OR9Q1: variants seen among roughly 807,000 people sequenced by gnomAD.
OR9Q1 encodes olfactory receptor 9Q1.
For synonymous variants in OR9Q1, 153 were observed against 148.6 expected (o/e 1.03, Z -0.22); for missense variants, 374 against 378.8 (o/e 0.99, Z 0.11).
chr11:58,146,581 GTTAA>G (rs994859788), intron 2 of OR9Q1, among the ~76,000 whole-genome samples: 18 of 152,248 alleles, frequency 1.2e-4, no homozygotes, highest in African/African-American at 2.9e-4. Flanking sequence ...CCATTGCACA[GTTAA>G]TTAATTAATT....
intron 2 of OR9Q1, among the ~76,000 whole-genome samples, chr11:58,168,757 G>T (rs991369450): frequency 1.3e-5 from 2 of 151,852 alleles, no homozygotes; most frequent in Non-Finnish European, 2.9e-5. Flanking sequence ...AGCTTCTTGT[G>T]GTTGTGTGTA....
At chr11:58,050,575 A>G (rs1853264569) in intron 1 of OR9Q1, among the ~76,000 whole-genome samples, 1 of 116,328 alleles carries the variant, frequency 8.6e-6, no homozygotes, top group Admixed American at 9.4e-5. Flanking sequence ...AAGCAATGGC[A>G]ACAAAAGCCA....
intron 2 of OR9Q1, among the ~76,000 whole-genome samples, chr11:58,141,761 T>C (rs893766157): frequency 7.2e-5 from 11 of 152,168 alleles, no homozygotes; most frequent in Non-Finnish European, 1.3e-4. Flanking sequence ...GAGTGTGAGT[T>C]TGGAACAAAC....
At chr11:58,078,840 A>T (rs1055525042) in intron 2 of OR9Q1, among the ~76,000 whole-genome samples, 3 of 152,162 alleles carry the variant, frequency 2.0e-5, no homozygotes, top group Non-Finnish European at 4.4e-5. Context: ...GTTAAAATCC[A>T]CCTGTTGGCT....
At chr11:58,054,074 C>T (rs573450792) in intron 1 of OR9Q1, among the ~76,000 whole-genome samples, 35 of 152,202 alleles carry the variant, frequency 2.3e-4, no homozygotes, top group Admixed American at 2.0e-3. Flanking sequence ...AATGTATATG[C>T]CTATCAAATC....
At chr11:58,025,130 G>C (rs1347679280) in intron 1 of OR9Q1, among the ~76,000 whole-genome samples, 1 of 152,184 alleles carries the variant, frequency 6.6e-6, no homozygotes, top group Non-Finnish European at 1.5e-5. Flanking sequence ...GATTAAGCCA[G>C]ATGGTATCAG....
At chr11:58,166,355 C>T (rs865997425) in intron 2 of OR9Q1, among the ~76,000 whole-genome samples, 6 of 152,214 alleles carry the variant, frequency 3.9e-5, no homozygotes, top group Admixed American at 2.0e-4. Context: ...CTATTAGTTT[C>T]GTATGAAACT....
intron 2 of OR9Q1, among the ~76,000 whole-genome samples, chr11:58,108,368 C>G (rs1197538482): frequency 1.3e-5 from 2 of 152,098 alleles, no homozygotes; most frequent in African/African-American, 4.8e-5. Flanking sequence ...AACTAAGAAA[C>G]CCAAGCATGG....
chr11:58,029,302 C>T (rs1197748226), intron 1 of OR9Q1, among the ~76,000 whole-genome samples: 2 of 152,154 alleles, frequency 1.3e-5, no homozygotes, highest in Non-Finnish European at 2.9e-5. Flanking sequence ...AGTTCCTCTC[C>T]ACCTAGGCCT....
At chr11:58,080,952 T>C (rs1286829919) in intron 2 of OR9Q1, among the ~76,000 whole-genome samples, 1 of 152,170 alleles carries the variant, frequency 6.6e-6, no homozygotes, top group Non-Finnish European at 1.5e-5. Context: ...TTTCTCCTAA[T>C]GCTATCCCTC....
intron 1 of OR9Q1, among the ~76,000 whole-genome samples, chr11:58,054,977 G>A (rs913756864): frequency 4.6e-5 from 7 of 152,194 alleles, no homozygotes; most frequent in African/African-American, 1.7e-4. Flanking sequence ...TCAAATATAT[G>A]TGTGTGTGTT....
intron 2 of OR9Q1, among the ~76,000 whole-genome samples, chr11:58,061,539 C>T (rs1189084239): frequency 2.0e-5 from 3 of 152,164 alleles, no homozygotes; most frequent in Admixed American, 6.6e-5. Flanking sequence ...CAGTAACTAG[C>T]GTTTGTAAGA....
At chr11:58,034,356 G>A (rs1853075122) in intron 1 of OR9Q1, among the ~76,000 whole-genome samples, 1 of 151,730 alleles carries the variant, frequency 6.6e-6, no homozygotes, top group African/African-American at 2.4e-5. Flanking sequence ...CAAAGTGCTG[G>A]GATTACAGGC....
chr11:58,042,754 G>T (rs1327060644), intron 1 of OR9Q1, among the ~76,000 whole-genome samples: 1 of 152,132 alleles, frequency 6.6e-6, no homozygotes. Flanking sequence ...CCATTTTCAC[G>T]ATATTGATTC....
intron 2 of OR9Q1, among the ~76,000 whole-genome samples, chr11:58,143,110 C>T (rs938395049): frequency 6.6e-6 from 1 of 152,162 alleles, no homozygotes; most frequent in Non-Finnish European, 1.5e-5. Flanking sequence ...CTCCAGGTGG[C>T]TGTGGACTTA....
At chr11:58,163,420 G>GTT (rs1247010210) in intron 2 of OR9Q1, among the ~76,000 whole-genome samples, 6 of 152,228 alleles carry the variant, frequency 3.9e-5, no homozygotes, top group Admixed American at 2.6e-4. Flanking sequence ...TGTCAAAGGA[G>GTT]TTTCCTCCTG....
chr11:58,141,253 A>G (rs1479426202), intron 2 of OR9Q1, among the ~76,000 whole-genome samples: 2 of 152,196 alleles, frequency 1.3e-5, no homozygotes, highest in Admixed American at 6.5e-5. Context: ...TTCCAACACT[A>G]TGTTGAATAG....
At chr11:58,096,703 C>CT (rs371701829) in intron 2 of OR9Q1, among the ~76,000 whole-genome samples, 28,457 of 108,708 alleles carry the variant, frequency 0.26, 4,236 homozygotes, top group Middle Eastern at 0.35. Flanking sequence ...GAGACAGTCT[C>CT]TTTTTTTTTT....
At position 58,180,102 on chromosome 11, in the gene OR9Q1, T is replaced by C. The variant is rs751697274; in HGVS notation, c.658T>C (p.Phe220Leu). The change falls in exon 3 of 3, where the codon TTT becomes CTT. Residue 220 changes from phenylalanine (F) to leucine (L), a missense_variant. Phe to Leu is a conservative substitution (Grantham distance 22). Coordinates refer to ENST00000335397, the MANE Select transcript of OR9Q1 (RefSeq NM_001005212.4). ...GGTGGTGATCTTGGTGTCCTACCTG[T>C]TTATCATCGTGGCCATCATGGGGAT... ...SMVVILVSYL[F>L]IIVAIMGIPA... The C allele has an allele frequency of 8.7e-6, 14 of 1,614,058 alleles. No homozygotes were observed. The Admixed American group carries it at 2.0e-4, about 23-fold the overall frequency.
Sources: gnomAD v4.1 joint callset for allele counts (sites outside exome capture counted in the v4.1 genomes callset) on GRCh38, gnomAD v4.1.1 for gene constraint, MANE v1.5 for transcripts, NCBI Gene and HGNC (gene_info 2026-07-23, HGNC 2026-07-21) for gene names.